Variants in SGCZ observed in about 807,000 individuals in gnomAD.
SGCZ encodes zeta-sarcoglycan.
SGCZ carries 40 observed loss-of-function variants against 41.3 expected under a neutral mutation model. That is an observed-to-expected ratio of 0.97 (90% confidence interval 0.75 to 1.26). The LOEUF (loss-of-function observed/expected upper bound fraction) is 1.26, where lower values mean the gene tolerates loss of function less well. SGCZ is among the 50% of genes most tolerant of loss of function. SGCZ has a pLI of 0.00. For missense variants in SGCZ, 552 were observed against 369.8 expected (o/e 1.49, Z -4.04); for synonymous variants, 206 against 137.5 (o/e 1.50, Z -3.49).
chr8:14,246,182 G>C (rs1220405454), intron 3 of SGCZ, among the ~76,000 whole-genome samples: 1 of 152,132 alleles, frequency 6.6e-6, no homozygotes, highest in Non-Finnish European at 1.5e-5. Flanking sequence ...CAATAGCAAA[G>C]ACTTGGAACC....
intron 1 of SGCZ, among the ~76,000 whole-genome samples, chr8:15,145,016 G>A (rs1279886353): frequency 6.6e-6 from 1 of 152,158 alleles, no homozygotes; most frequent in African/African-American, 2.4e-5. Flanking sequence ...GTTTAGCCCT[G>A]TAGATTGTTC....
chr8:14,140,200 C>T (rs974561146), intron 5 of SGCZ, among the ~76,000 whole-genome samples: 19 of 152,166 alleles, frequency 1.2e-4, no homozygotes, highest in African/African-American at 4.3e-4. Context: ...TTATGACAAA[C>T]CCATAGCCAA....
chr8:14,319,726 T>A lies in SGCZ; in HGVS notation c.336+4377A>T, dbSNP rs565016048. On this transcript the variant is annotated intron_variant, in intron 3 of 7. Transcript: ENST00000382080. ...TTTGCAGAACTGAATGTAAATATTA[T>A]GAATTCTGACAAAGTTAAAGTAATA... 9.9e-5 allele frequency among the ~76,000 whole-genome samples: 15 copies of A among 152,072 alleles called. 1 individual carries two copies. In the South Asian group the frequency reaches 2.9e-3, roughly 29 times the overall value.
At chr8:14,411,148 A>AT (rs1384084381) in intron 2 of SGCZ, among the ~76,000 whole-genome samples, 2 of 152,124 alleles carry the variant, frequency 1.3e-5, no homozygotes, top group African/African-American at 4.8e-5. Flanking sequence ...TATTATTGAG[A>AT]TTAAGTTTTC....
At chr8:14,257,813 G>C (rs2117224571) in intron 3 of SGCZ, among the ~76,000 whole-genome samples, 1 of 152,186 alleles carries the variant, frequency 6.6e-6, no homozygotes, top group South Asian at 2.1e-4. Context: ...TCCTTAGGAA[G>C]CTCTACATAA....
chr8:14,965,088 A>G (rs1289410048), intron 1 of SGCZ, among the ~76,000 whole-genome samples: 2 of 152,068 alleles, frequency 1.3e-5, no homozygotes, highest in African/African-American at 4.8e-5. Context: ...GTTTCTTGGG[A>G]GTGGGGACAT....
At chr8:14,279,664 A>G (rs1469681109) in intron 3 of SGCZ, among the ~76,000 whole-genome samples, 1 of 152,068 alleles carries the variant, frequency 6.6e-6, no homozygotes, top group Non-Finnish European at 1.5e-5. Flanking sequence ...TTGACTGCAC[A>G]GCTTCGGGCA....
intron 1 of SGCZ, among the ~76,000 whole-genome samples, chr8:14,584,379 T>G (rs944730864): frequency 6.6e-6 from 1 of 152,144 alleles, no homozygotes; most frequent in Admixed American, 6.6e-5. Flanking sequence ...GGATTTGGGT[T>G]AGAGATCTTG....
intron 1 of SGCZ, among the ~76,000 whole-genome samples, chr8:14,826,977 G>C (rs1179985312): frequency 6.6e-6 from 1 of 151,926 alleles, no homozygotes; most frequent in Non-Finnish European, 1.5e-5. Context: ...TGTTGCCATT[G>C]CTTTTGGTGT....
chr8:14,796,896 T>C (rs1262286199), intron 1 of SGCZ, among the ~76,000 whole-genome samples: 1 of 152,162 alleles, frequency 6.6e-6, no homozygotes, highest in Non-Finnish European at 1.5e-5. Context: ...GGATTCCCCC[T>C]TCACTCAGCT....
chr8:14,545,960 T>G (rs1040656793), intron 2 of SGCZ, among the ~76,000 whole-genome samples: 8 of 152,154 alleles, frequency 5.3e-5, no homozygotes, highest in Non-Finnish European at 1.2e-4. Context: ...TGGTAGTTGT[T>G]TGCACTTGGA....
chr8:15,189,001 G>A (rs1318371566), intron 1 of SGCZ, among the ~76,000 whole-genome samples: 2 of 152,038 alleles, frequency 1.3e-5, no homozygotes. Flanking sequence ...AAAAAAAATA[G>A]ATATGCTCAC....
intron 2 of SGCZ, among the ~76,000 whole-genome samples, chr8:14,486,797 A>C (rs1009953798): frequency 6.6e-6 from 1 of 152,246 alleles, no homozygotes; most frequent in Non-Finnish European, 1.5e-5. Flanking sequence ...CTGGGATTAC[A>C]GGCATGAGCC....
intron 5 of SGCZ, among the ~76,000 whole-genome samples, chr8:14,150,338 A>T (rs1401863116): frequency 6.6e-6 from 1 of 152,192 alleles, no homozygotes; most frequent in Non-Finnish European, 1.5e-5. Context: ...CTATAGGAAA[A>T]TGTCTAAAAA....
At chr8:15,034,690 G>C (rs1388172446) in intron 1 of SGCZ, among the ~76,000 whole-genome samples, 1 of 152,058 alleles carries the variant, frequency 6.6e-6, no homozygotes, top group Non-Finnish European at 1.5e-5. Flanking sequence ...ATAAAACCAA[G>C]AGAGGACCCT....
At chr8:14,560,568 T>G (rs1411710392) in intron 1 of SGCZ, among the ~76,000 whole-genome samples, 1 of 152,090 alleles carries the variant, frequency 6.6e-6, no homozygotes, top group African/African-American at 2.4e-5. Context: ...GTGCTATGAC[T>G]CTTCAGATCA....
intron 1 of SGCZ, among the ~76,000 whole-genome samples, chr8:14,618,103 G>A (rs1056872570): frequency 6.6e-6 from 1 of 152,142 alleles, no homozygotes; most frequent in Non-Finnish European, 1.5e-5. Context: ...TATTTATGGA[G>A]CAAAACTATG....
At chr8:15,101,427 A>C (rs1319408417) in intron 1 of SGCZ, among the ~76,000 whole-genome samples, 1 of 152,180 alleles carries the variant, frequency 6.6e-6, no homozygotes, top group East Asian at 1.9e-4. Context: ...AGAAATAGGC[A>C]AAAAACATGA....
chr8:14,800,500 T>C (rs1285827343), intron 1 of SGCZ, among the ~76,000 whole-genome samples: 1 of 152,226 alleles, frequency 6.6e-6, no homozygotes, highest in Non-Finnish European at 1.5e-5. Flanking sequence ...AATCTCATCA[T>C]GAATTGTAAT....
Sources: gnomAD v4.1 joint callset for allele counts (sites outside exome capture counted in the v4.1 genomes callset) on GRCh38, gnomAD v4.1.1 for gene constraint, MANE v1.5 for transcripts, NCBI Gene and HGNC (gene_info 2026-07-23, HGNC 2026-07-21) for gene names.